The following ZDHHC1 variants were observed in gnomAD, a reference collection of about 807,000 sequenced individuals.
The protein encoded by ZDHHC1 is palmitoyltransferase ZDHHC1.
In ZDHHC1, 45 loss-of-function variants were observed where a neutral mutation model predicts 46.9. The observed-to-expected ratio is 0.96, with a 90% CI of 0.76 to 1.23. The LOEUF is 1.23. Ranked by LOEUF, ZDHHC1 falls within the 50% of genes most tolerant of loss-of-function variation. The pLI, the probability that ZDHHC1 is intolerant of heterozygous loss-of-function variation, is 0.00. For missense variants in ZDHHC1, 649 were observed against 670.8 expected (o/e 0.97, Z 0.36); for synonymous variants, 291 against 286.0 (o/e 1.02, Z -0.18).
chr16:67,396,019 G>C (rs7192243), intron 8 of ZDHHC1: 12,805 of 160,944 alleles, frequency 0.08, 1,771 homozygotes, highest in African/African-American at 0.29. Context: ...CCCTCACAGA[G>C]GACCAGCCAC....
intron 1 of ZDHHC1, 96 bp downstream of exon 1, chr16:67,416,075 G>A (rs2040829619): frequency 6.6e-6 from 1 of 152,298 alleles, no homozygotes; most frequent in Non-Finnish European, 1.5e-5. Flanking sequence ...ACCGGCTCCA[G>A]GCGGAAGCGA....
rs541243929 is a variant in ZDHHC1 at position 67,398,801 on chromosome 16, G to A, written c.655+19C>T. On this transcript the variant is annotated intron_variant, in intron 6 of 11. Coordinates refer to ENST00000565726, the MANE Select transcript of ZDHHC1 (RefSeq NM_001323627.2). ...TGACCAGGGTTGGGGGTGAGAATAG[G>A]CCCGGAGCCTAAACTGACCTTCAAA... 3 of 1,612,522 alleles carry A rather than the reference G, an allele frequency of 1.9e-6. No homozygotes were observed. Among genetic ancestry groups the A allele is most frequent in the Non-Finnish European group, 2.5e-6 (3 of 1,179,452 alleles).
chr16:67,394,803 T>TA lies in ZDHHC1; in HGVS notation c.1255_1256insT (p.His419LeufsTer80). The TA allele has an allele frequency of 6.6e-7, 1 of 1,515,634 alleles. No homozygotes were observed. The highest frequency in any genetic ancestry group is 8.8e-7 in the Non-Finnish European group (1 of 1,134,874). 93.9% of individuals were successfully genotyped at this position (1,515,634 alleles called of 1,614,324 possible). On this transcript the variant is annotated frameshift_variant, in exon 12 of 12. Transcript: ENST00000565726. LOFTEE classifies it low-confidence loss of function (END_TRUNC). ...GTCCACGGACTCTGCCGACGCCGAGTGGTAGGCGCCGGCAGGGCCAGCGGC... is the reference window on the plus strand; with the variant it reads ...GTCCACGGACTCTGCCGACGCCGAGTAGGTAGGCGCCGGCAGGGCCAGCGGC...
chr16:67,395,519 G>A lies in ZDHHC1; in HGVS notation c.975C>T (p.Pro325=). 1 of 1,555,342 alleles carries A rather than the reference G, an allele frequency of 6.4e-7. No individual in the cohort carries two copies. Among genetic ancestry groups the A allele is most frequent in the Non-Finnish European group, 8.7e-7 (1 of 1,148,844 alleles). ...CTGCTGCTGGCCCGGCCTGGCCAGG[G>A]GGCTCTGGGCGCATATGTCTGAAGG... The part of the protein sequence containing the change: ...MRTFRHMRPE[P]PGQAGPAAVN... The change falls in exon 9 of 12, where the codon CCC becomes CCT. Residue 325 remains proline (P), a synonymous_variant. Transcript: ENST00000565726.
intron 2 of ZDHHC1, 82 bp downstream of exon 2, chr16:67,407,684 TC>T: frequency 1.3e-6 from 1 of 776,846 alleles, no homozygotes. Flanking sequence ...AGGACAACTT[TC>T]CCCAAAGGCA....
intron 1 of ZDHHC1, among the ~76,000 whole-genome samples, chr16:67,409,660 C>T (rs2142258626): frequency 6.6e-6 from 1 of 152,352 alleles, no homozygotes; most frequent in African/African-American, 2.4e-5. Context: ...GGACCAAGCA[C>T]TGTCACCAGA....
chr16:67,407,893 G>A, intron 1 of ZDHHC1, 80 bp from the exon 2 acceptor site: 1 of 712,958 alleles, frequency 1.4e-6, no homozygotes, highest in Admixed American at 2.0e-5. Flanking sequence ...GCTTTCTCCT[G>A]CCTTCCATCC....
At position 67,399,282 on chromosome 16, in the gene ZDHHC1, G is replaced by C. The variant is rs553137704; in HGVS notation, c.530+73C>G. 4.2e-5 allele frequency: 58 copies of C among 1,372,652 alleles called. No individual in the cohort carries two copies. The South Asian group carries it at 4.5e-4, about 11-fold the overall frequency. 85.0% of individuals were successfully genotyped at this position (1,372,652 alleles called of 1,614,324 possible). ...CCCCATCCCCGCCCGCCTGCCATGC[G>C]AGCTGCAAGGTCTGTGGCTCCCACC... On this transcript the variant is annotated intron_variant, in intron 5 of 11. Transcript: ENST00000565726.
rs57605287 is a variant in ZDHHC1, at chr16:67,416,378, TGGCTCCGGCTCC to T, written c.-258_-247del. 0.13 allele frequency: 25,450 copies of T among 202,518 alleles called. 4,694 individuals are homozygous for T. Among genetic ancestry groups the T allele is most frequent in the African/African-American group, 0.46 (19,100 of 41,298 alleles). 12.5% of individuals were successfully genotyped at this position (202,518 alleles called of 1,614,324 possible). ...CCGGTGAGTCCTCGAGCTCTGGCTCTGGCTCCGGCTCCGGCTCCGGCTCCGGCTCCGGCTCCG... is the reference window on the plus strand; with the variant it reads ...CCGGTGAGTCCTCGAGCTCTGGCTCTGGCTCCGGCTCCGGCTCCGGCTCCG... On this transcript the variant is annotated 5_prime_UTR_variant, in exon 1 of 12. Coordinates refer to ENST00000565726, the MANE Select transcript of ZDHHC1 (RefSeq NM_001323627.2).
chr16:67,399,282 G>A lies in ZDHHC1; in HGVS notation c.530+73C>T, dbSNP rs553137704. ...CCCCATCCCCGCCCGCCTGCCATGC[G>A]AGCTGCAAGGTCTGTGGCTCCCACC... On this transcript the variant is annotated intron_variant, in intron 5 of 11. Coordinates refer to ENST00000565726, the MANE Select transcript of ZDHHC1 (RefSeq NM_001323627.2). 39 of 1,372,770 alleles carry A rather than the reference G, an allele frequency of 2.8e-5. 1 individual carries two copies. The Middle Eastern group carries it at 7.3e-4, about 26-fold the overall frequency. 85.0% of individuals were successfully genotyped at this position (1,372,770 alleles called of 1,614,324 possible). A position where few individuals can be genotyped will look rare whatever the true frequency, so the allele number is the denominator to read the frequency against.
At position 67,406,508 on chromosome 16, in the gene ZDHHC1, G is replaced by C; in HGVS notation, c.10-66C>G. On this transcript the variant is annotated intron_variant, in intron 2 of 11. Coordinates refer to ENST00000565726, the MANE Select transcript of ZDHHC1 (RefSeq NM_001323627.2). The surrounding 1 kb of genome is among the most constrained non-coding windows in gnomAD (Gnocchi z 4.1). ...AGCTGGGCTGGAGCCCAGGGCCTGT[G>C]TCTGCAGCCAAGTTTCAGCACAGGG... The C allele has an allele frequency of 6.9e-7, 1 of 1,445,516 alleles. No homozygotes were observed. Among genetic ancestry groups the C allele is most frequent in the Non-Finnish European group, 9.1e-7 (1 of 1,099,134 alleles). 89.5% of individuals were successfully genotyped at this position (1,445,516 alleles called of 1,614,324 possible). A position where few individuals can be genotyped will look rare whatever the true frequency, so the allele number is the denominator to read the frequency against.
At chr16:67,414,899 G>A (rs904370897) in intron 1 of ZDHHC1, among the ~76,000 whole-genome samples, 1 of 152,220 alleles carries the variant, frequency 6.6e-6, no homozygotes, top group Non-Finnish European at 1.5e-5. Context: ...TTCTTTGGGA[G>A]GCCAAGGTGG....
chr16:67,407,939 C>T (rs2040691533), intron 1 of ZDHHC1, 126 bp from the exon 2 acceptor site: 2 of 628,468 alleles, frequency 3.2e-6, no homozygotes, highest in South Asian at 3.6e-5. Context: ...GGTCGTGAAC[C>T]CATGCCTCCC....
chr16:67,410,419 G>C (rs1386607794), intron 1 of ZDHHC1, among the ~76,000 whole-genome samples: 1 of 152,152 alleles, frequency 6.6e-6, no homozygotes, highest in Non-Finnish European at 1.5e-5. Flanking sequence ...TAGAGAGTCA[G>C]GCTGGCCGGG....
intron 3 of ZDHHC1, among the ~76,000 whole-genome samples, chr16:67,404,957 G>A (rs537654637): frequency 6.6e-6 from 1 of 152,302 alleles, no homozygotes; most frequent in African/African-American, 2.4e-5. Context: ...AGTGAGGGGC[G>A]TGTCCATTCC....
rs971569083 is a variant in ZDHHC1 at position 67,394,608 on chromosome 16, A to T, written c.*2T>A. 7 of 1,186,204 alleles carry T rather than the reference A, an allele frequency of 5.9e-6. No individual in the cohort carries two copies. Among genetic ancestry groups the T allele is most frequent in the African/African-American group, 1.6e-5 (1 of 61,938 alleles). The allele number at this position is 1,186,204 out of a possible 1,614,324, so 73.5% of individuals were successfully genotyped here. A position where few individuals can be genotyped will look rare whatever the true frequency, so the allele number is the denominator to read the frequency against. ...ACTCGGCCCTCCGGCCTCTCGGCCC[A>T]GCTAAGCCAGACCAGCCTCCCGGCC... On this transcript the variant is annotated 3_prime_UTR_variant, in exon 12 of 12. Coordinates refer to ENST00000565726, the MANE Select transcript of ZDHHC1 (RefSeq NM_001323627.2).
chr16:67,400,923 C>T (rs370931217), intron 4 of ZDHHC1, 34 bp downstream of exon 4: 7 of 1,604,876 alleles, frequency 4.4e-6, no homozygotes, highest in Non-Finnish European at 6.0e-6. Flanking sequence ...CCCCACAGCA[C>T]ACTCGGCAGC....
chr16:67,416,009 C>T (rs904328203), intron 1 of ZDHHC1, among the ~76,000 whole-genome samples, 162 bp downstream of exon 1: 4 of 152,088 alleles, frequency 2.6e-5, no homozygotes, highest in African/African-American at 9.7e-5. Flanking sequence ...GATCTGTGAA[C>T]TTGATGCATG....
Position 67,398,307 on chromosome 16 carries a change from TGGTG to T in ZDHHC1, c.828_831del (p.Thr277ProfsTer57). On this transcript the variant is annotated frameshift_variant, in exon 8 of 12. Coordinates refer to ENST00000565726, the MANE Select transcript of ZDHHC1 (RefSeq NM_001323627.2). LOFTEE classifies it high-confidence loss of function. ...CGGTGCTGCACGATGTACTCATAGG[TGGTG>T]AGCTTGTGCCACACTGGTGGGGGGA... The T allele has an allele frequency of 6.2e-7, 1 of 1,613,630 alleles. No homozygotes were observed. Among genetic ancestry groups the T allele is most frequent in the East Asian group, 2.2e-5 (1 of 44,876 alleles).
Sources: gnomAD v4.1 joint callset for allele counts (sites outside exome capture counted in the v4.1 genomes callset) on GRCh38, gnomAD v4.1.1 for gene constraint, Gnocchi (gnomAD v3.1) non-coding constraint, MANE v1.5 for transcripts, NCBI Gene and HGNC (gene_info 2026-07-23, HGNC 2026-07-21) for gene names.